EVC: variants seen among roughly 807,000 people sequenced by gnomAD.
EVC encodes evC complex member EVC.
EVC carries 116 observed loss-of-function variants against 118.9 expected under a neutral mutation model. That is an observed-to-expected ratio of 0.98 (90% CI 0.84 to 1.14). EVC has a LOEUF of 1.14. Among genes scored for constraint, EVC ranks in the 50% most tolerant of loss-of-function variants. The probability of loss-of-function intolerance (pLI) is 0.00; values close to 1 mark genes in which losing one functional copy is unlikely to be tolerated. For missense variants in EVC, 1,401 were observed against 1,246.4 expected (o/e 1.12, Z -1.87); for synonymous variants, 619 against 534.7 (o/e 1.16, Z -2.18).
intron 12 of EVC, among the ~76,000 whole-genome samples, chr4:5,792,263 T>G (rs867575897): frequency 2.6e-5 from 4 of 152,224 alleles, no homozygotes; most frequent in Non-Finnish European, 5.9e-5. Flanking sequence ...TATGTGGCAT[T>G]ACAGGAGACA....
chr4:5,803,747 T>TA (rs1327488314), intron 16 of EVC, among the ~76,000 whole-genome samples: 1 of 152,248 alleles, frequency 6.6e-6, no homozygotes, highest in African/African-American at 2.4e-5. Flanking sequence ...AGTCTCCCTG[T>TA]AAGTGCCAGC....
rs1308780999 is a variant in EVC, at chr4:5,749,078, G to A, written c.1098+772G>A. On this transcript the variant is annotated intron_variant, in intron 8 of 20. Coordinates refer to ENST00000264956, the MANE Select transcript of EVC (RefSeq NM_153717.3). This position sits in a 1 kb window ranked among gnomAD's most constrained non-coding sequence, Gnocchi z 4.4. ...AGACAGAGCATTGATTGACTTTCCT[G>A]ATTGCCCTGTTTTGCCTGCAGAGTT... is the stretch of plus-strand genomic sequence containing the variant. Among the ~76,000 whole-genome samples, 1 of 151,988 alleles carries A rather than the reference G, an allele frequency of 6.6e-6. No individual in the cohort carries two copies. Among genetic ancestry groups the A allele is most frequent in the Non-Finnish European group, 1.5e-5 (1 of 68,012 alleles).
chr4:5,780,669 A>T (rs115193315), intron 11 of EVC, among the ~76,000 whole-genome samples: 3 of 152,226 alleles, frequency 2.0e-5, no homozygotes, highest in Admixed American at 1.3e-4. Flanking sequence ...GAGAAGGACA[A>T]TCATACAACC....
intron 2 of EVC, among the ~76,000 whole-genome samples, chr4:5,725,562 A>G (rs1393302867): frequency 1.3e-5 from 2 of 151,856 alleles, no homozygotes; most frequent in African/African-American, 4.8e-5. Context: ...CCCACTTTTT[A>G]ATGGGGTTGT....
At chr4:5,748,798 ATCCATCCG>A (rs1187354006) in intron 8 of EVC, among the ~76,000 whole-genome samples, 3 of 114,946 alleles carry the variant, frequency 2.6e-5, no homozygotes, top group Middle Eastern at 3.8e-3. Flanking sequence ...CCATCCATCC[ATCCATCCG>A]TCTATCCAAT....
intron 15 of EVC, chr4:5,801,671 C>CAA (rs35554149): frequency 0.048 from 11,676 of 245,164 alleles, 291 homozygotes; most frequent in Non-Finnish European, 0.059. Flanking sequence ...GTCTCCATCT[C>CAA]AAAAAAAAAA....
At position 5,737,329 on chromosome 4, in the gene EVC, C is replaced by T. The variant is rs1447103724; in HGVS notation, c.702+3894C>T. Among the ~76,000 whole-genome samples the T allele has an allele frequency of 6.6e-6, 1 of 152,216 alleles. No individual in the cohort carries two copies. The highest frequency in any genetic ancestry group is 1.5e-5 in the Non-Finnish European group (1 of 68,042). On this transcript the variant is annotated intron_variant, in intron 5 of 20. Transcript: ENST00000264956. This position sits in a 1 kb window ranked among gnomAD's most constrained non-coding sequence, Gnocchi z 5.0. ...ACAAAAGTGCAAGGTGAAGCAGCAG[C>T]AAGTGCTGATGGAGAAGCTTCAGCA...
intron 11 of EVC, among the ~76,000 whole-genome samples, chr4:5,781,076 G>C (rs974499121): frequency 6.6e-6 from 1 of 152,208 alleles, no homozygotes; most frequent in African/African-American, 2.4e-5. Context: ...CAAGAGTCCA[G>C]ACTCCAGGAA....
rs1716864542 is a variant in EVC, at chr4:5,811,194, A to G, written c.*157A>G. ...AGAGAAAGAATAGAAATGTGCCCTA[A>G]AAGCATAAATGAGTATCACCTGAGA... On this transcript the variant is annotated 3_prime_UTR_variant, in exon 21 of 21. Transcript: ENST00000264956. 3.0e-6 allele frequency: 2 copies of G among 667,370 alleles called. No homozygotes were observed. Among genetic ancestry groups the G allele is most frequent in the Non-Finnish European group, 5.3e-6 (2 of 375,368 alleles). 41.3% of individuals were successfully genotyped at this position (667,370 alleles called of 1,614,324 possible).
At chr4:5,732,903 G>A (rs10009987) in intron 4 of EVC, among the ~76,000 whole-genome samples, 8,015 of 152,290 alleles carry the variant, frequency 0.053, 237 homozygotes, top group East Asian at 0.11. Context: ...CGAGCTACAC[G>A]GGAGGCTGAG....
chr4:5,808,097 G>A, intron 17 of EVC, 104 bp from the exon 18 acceptor site: 1 of 941,982 alleles, frequency 1.1e-6, no homozygotes, highest in Non-Finnish European at 1.6e-6. Context: ...CCCTCTTGGG[G>A]CTCCCAGGGA....
intron 13 of EVC, among the ~76,000 whole-genome samples, chr4:5,795,237 T>G (rs894079132): frequency 1.3e-5 from 2 of 152,230 alleles, no homozygotes; most frequent in Admixed American, 6.5e-5. Flanking sequence ...TCAATTTATT[T>G]TCTTTCAGGT....
chr4:5,714,052 C>T (rs6826219), intron 1 of EVC, among the ~76,000 whole-genome samples: 3,121 of 152,242 alleles, frequency 0.021, 44 homozygotes, highest in Non-Finnish European at 0.027. Context: ...CCTCGCTGTT[C>T]CCCGTACACC....
At chr4:5,750,331 G>T (rs1018135743) in intron 8 of EVC, among the ~76,000 whole-genome samples, 3 of 152,146 alleles carry the variant, frequency 2.0e-5, no homozygotes, top group African/African-American at 4.8e-5. Flanking sequence ...GCAGAAAAAA[G>T]AAAATACATC....
chr4:5,797,045 G>A lies in EVC; in HGVS notation c.1910G>A (p.Gly637Glu), dbSNP rs781254333. ...TEESTRCVLQ[G>E]HDLLLRSALR... ...AGGTCCACGCGGTGTGTCCTGCAGG[G>A]GCATGACCTGCTGTTGCGCTCAGCC... Residue 637 changes from glycine (G) to glutamate (E), a missense_variant, in exon 14 of 21, where the codon GGG becomes GAG. Physicochemically the swap from Gly to Glu is moderately conservative, Grantham distance 98. Transcript: ENST00000264956. 6.2e-7 allele frequency: 1 copy of A among 1,613,268 alleles called. No homozygotes were observed. The highest frequency in any genetic ancestry group is 1.1e-5 in the South Asian group (1 of 91,076).
At chr4:5,767,869 G>A (rs6829122) in intron 11 of EVC, among the ~76,000 whole-genome samples, 39,880 of 152,056 alleles carry the variant, frequency 0.26, 5,419 homozygotes, top group East Asian at 0.32. Context: ...CTTCTGCGTC[G>A]CTCACGCTGG....
intron 13 of EVC, among the ~76,000 whole-genome samples, chr4:5,795,606 C>T (rs1313369724): frequency 1.3e-5 from 2 of 152,112 alleles, no homozygotes; most frequent in African/African-American, 2.4e-5. Context: ...GAGCTGAGAT[C>T]GCACCATTGC....
At chr4:5,796,060 C>T (rs1412622158) in intron 13 of EVC, among the ~76,000 whole-genome samples, 1 of 152,154 alleles carries the variant, frequency 6.6e-6, no homozygotes, top group Non-Finnish European at 1.5e-5. Flanking sequence ...CTTCCAGCCA[C>T]TCTCTCTTCA....
chr4:5,764,226 C>G (rs1732509235), intron 11 of EVC, among the ~76,000 whole-genome samples: 1 of 142,732 alleles, frequency 7.0e-6, no homozygotes, highest in East Asian at 2.1e-4. Flanking sequence ...GTATATTGAA[C>G]CAGCCTTGCA....
Sources: allele counts gnomAD v4.1 joint callset (sites outside exome capture counted in the v4.1 genomes callset), GRCh38; gene constraint gnomAD v4.1.1; non-coding constraint Gnocchi (gnomAD v3.1); transcripts MANE v1.5; gene names NCBI Gene and HGNC (gene_info 2026-07-23, HGNC 2026-07-21).